The following SOS2 variants were observed in gnomAD, a reference collection of about 807,000 sequenced individuals.
The protein encoded by SOS2 is SOS Ras/Rho guanine nucleotide exchange factor 2, also known as son of sevenless homolog 2.
A neutral mutation model predicts 148.2 loss-of-function variants in SOS2; 65 were observed. The ratio of observed to expected loss-of-function variants is 0.44; its 90% CI spans 0.36 to 0.54. SOS2 has a LOEUF of 0.54. Ranked by LOEUF, SOS2 falls within the 20% of genes least tolerant of loss-of-function variation. The probability of loss-of-function intolerance (pLI) is 0.00; values close to 1 mark genes in which losing one functional copy is unlikely to be tolerated. For missense variants in SOS2, 1,341 were observed against 1,590.2 expected (o/e 0.84, Z 2.67); for synonymous variants, 539 against 537.1 (o/e 1.00, Z -0.05).
chr14:50,223,522 A>C (rs1166446107), intron 1 of SOS2, among the ~76,000 whole-genome samples: 1 of 152,066 alleles, frequency 6.6e-6, no homozygotes, highest in Non-Finnish European at 1.5e-5. Flanking sequence ...AAAATACAAA[A>C]AAATTACCTG....
In SOS2 at chr14:50,160,013, G is replaced by C; in HGVS notation, c.1270C>G (p.Gln424Glu). ...HLAIKKMNEI[Q>E]KNIDGWEGKD... ...CCTTCCCATCCATCGATATTTTTCT[G>C]AATTTCATTCATTTTTTTGATAGCC... The change falls in exon 10 of 23, where the codon CAG becomes GAG. Residue 424 changes from glutamine to glutamate, a missense_variant. Gln to Glu is a conservative substitution (Grantham distance 29). Coordinates refer to ENST00000216373, the MANE Select transcript of SOS2 (RefSeq NM_006939.4). 2 of 1,613,882 alleles carry C rather than the reference G, an allele frequency of 1.2e-6. No individual in the cohort carries two copies. Among genetic ancestry groups the C allele is most frequent in the Non-Finnish European group, 1.7e-6 (2 of 1,179,936 alleles).
At position 50,133,504 on chromosome 14, in the gene SOS2, T is replaced by C. The variant is rs535095561; in HGVS notation, c.3075+619A>G. On this transcript the variant is annotated intron_variant, in intron 19 of 22. Transcript: ENST00000216373. ...TGTGAGCCACCATGCCCGGTCTCTA[T>C]GAACTTTTTGAAGTCCCCTCATATA... 5.3e-5 allele frequency among the ~76,000 whole-genome samples: 8 copies of C among 152,220 alleles called. 1 individual carries two copies. In the South Asian group the frequency reaches 1.5e-3, roughly 28 times the overall value.
Position 50,226,607 on chromosome 14 carries a change from G to T in SOS2, c.87+4590C>A, listed in dbSNP as rs1887385773. 4.6e-5 allele frequency among the ~76,000 whole-genome samples: 7 copies of T among 152,284 alleles called. No individual in the cohort carries two copies. In the South Asian group the frequency reaches 1.5e-3, roughly 32 times the overall value. ...ATCTAAGAGCAAATTGTCACAGGGT[G>T]GGGAGGTCGATATTTAACCTGAATC... On this transcript the variant is annotated intron_variant, in intron 1 of 22. Transcript: ENST00000216373.
At chr14:50,158,355 T>G (rs1211887271) in intron 11 of SOS2, among the ~76,000 whole-genome samples, 1 of 152,198 alleles carries the variant, frequency 6.6e-6, no homozygotes, top group Non-Finnish European at 1.5e-5. Flanking sequence ...GATTACCACT[T>G]GAAATATTTC....
rs758293062 is a variant in SOS2, at chr14:50,197,892, T to C, written c.510+1799A>G. Among the ~76,000 whole-genome samples, 123 of 151,880 alleles carry C rather than the reference T, an allele frequency of 8.1e-4. 1 individual carries two copies. The highest frequency in any genetic ancestry group is 4.4e-4 in the Non-Finnish European group (30 of 67,992). On this transcript the variant is annotated intron_variant, in intron 4 of 22. Transcript: ENST00000216373. ...TTTTAGTAGAGACGGGGTTTTGCCA[T>C]GTTGACTAGGCTGGTTTGAACTCCT...
At position 50,188,666 on chromosome 14, in the gene SOS2, C is replaced by A. The variant is rs149487643; in HGVS notation, c.545G>T (p.Gly182Val). The A allele has an allele frequency of 6.2e-7, 1 of 1,606,778 alleles. No individual in the cohort carries two copies. The highest frequency in any genetic ancestry group is 8.5e-7 in the Non-Finnish European group (1 of 1,177,262). Residue 182 changes from glycine to valine, a missense_variant, in exon 5 of 23, where the codon GGT becomes GTT. Around this residue, in one of 4 missense-constraint regions of SOS2, gnomAD observed 574 missense variants for 711.1 expected, o/e 0.81. Transcript: ENST00000216373. Reference sequence around the variant, plus strand: ...TTCATCTTCACAGAGAGAAACCAAACCTATGTCATCCTGATCAAACATGTC... The same window carrying A: ...TTCATCTTCACAGAGAGAAACCAAAACTATGTCATCCTGATCAAACATGTC... Reference protein sequence around the residue: ...LMDMFDQDDIGLVSLCEDEPS... With the variant: ...LMDMFDQDDIVLVSLCEDEPS...
intron 5 of SOS2, among the ~76,000 whole-genome samples, chr14:50,183,575 T>G (rs933965574): frequency 2.0e-5 from 3 of 152,158 alleles, no homozygotes; most frequent in Non-Finnish European, 4.4e-5. Context: ...AACCTCCTAC[T>G]GTGGATGATT....
intron 2 of SOS2, among the ~76,000 whole-genome samples, chr14:50,203,106 C>CTA (rs1566478386): frequency 1.3e-5 from 2 of 152,118 alleles, no homozygotes; most frequent in Non-Finnish European, 2.9e-5. Context: ...CTACAGTGAG[C>CTA]TATGATCATG....
chr14:50,121,275 AATTTTTTCTATAGTT>A (rs1399921360), intron 21 of SOS2, among the ~76,000 whole-genome samples: 1 of 152,180 alleles, frequency 6.6e-6, no homozygotes, highest in Non-Finnish European at 1.5e-5. Flanking sequence ...TCTTCATTTT[AATTTTTTCTATAGTT>A]CAACTTCCCA....
At chr14:50,188,193 G>A (rs932443353) in intron 5 of SOS2, among the ~76,000 whole-genome samples, 3 of 151,878 alleles carry the variant, frequency 2.0e-5, no homozygotes, top group Admixed American at 6.6e-5. Context: ...ACTTGAGGTC[G>A]GCAGTTTGAG....
intron 7 of SOS2, among the ~76,000 whole-genome samples, chr14:50,180,363 C>A (rs1885691906): frequency 6.8e-6 from 1 of 146,868 alleles, no homozygotes; most frequent in Non-Finnish European, 1.5e-5. Context: ...ATTCAGTACT[C>A]ATGATGTTGT....
At chr14:50,223,930 T>A (rs1252302783) in intron 1 of SOS2, among the ~76,000 whole-genome samples, 1 of 152,152 alleles carries the variant, frequency 6.6e-6, no homozygotes, top group Admixed American at 6.5e-5. Flanking sequence ...CAGATTTAGA[T>A]TATACGTGAA....
At chr14:50,162,796 AT>A (rs1366127950) in intron 8 of SOS2, among the ~76,000 whole-genome samples, 7 of 152,118 alleles carry the variant, frequency 4.6e-5, no homozygotes, top group African/African-American at 1.7e-4. Context: ...GTTCTATTTC[AT>A]TTGCCCCAAA....
intron 8 of SOS2, among the ~76,000 whole-genome samples, chr14:50,164,218 A>G (rs1289786078): frequency 6.6e-6 from 1 of 152,176 alleles, no homozygotes. Flanking sequence ...AGGCGGGCAG[A>G]TCACTTGAGC....
chr14:50,217,674 T>C (rs1479685730), intron 1 of SOS2, among the ~76,000 whole-genome samples: 2 of 152,160 alleles, frequency 1.3e-5, no homozygotes, highest in Admixed American at 1.3e-4. Context: ...TTAAAACTTT[T>C]GGCCGGGTGC....
Position 50,157,078 on chromosome 14 carries a change from C to T in SOS2, c.1978G>A (p.Ala660Thr), listed in dbSNP as rs1264838760. The change falls in exon 12 of 23, where the codon GCA becomes ACA. Residue 660 changes from alanine to threonine, a missense_variant. Physicochemically the swap from Ala to Thr is moderately conservative, Grantham distance 58. Coordinates refer to ENST00000216373, the MANE Select transcript of SOS2 (RefSeq NM_006939.4). ...EPEPTDADKL[A>T]IEKGEQPISA... The stretch of plus-strand genomic sequence containing the variant: ...ATTGGCTGCTCGCCTTTCTCTATTG[C>T]CAATTTGTCTGCGTCAGTAGGTTCT... 6.2e-7 allele frequency: 1 copy of T among 1,612,152 alleles called. No individual in the cohort carries two copies. The highest frequency in any genetic ancestry group is 8.5e-7 in the Non-Finnish European group (1 of 1,178,902).
intron 4 of SOS2, 100 bp from the exon 5 acceptor site, chr14:50,188,800 G>C: frequency 1.2e-6 from 1 of 820,924 alleles, no homozygotes; most frequent in East Asian, 2.9e-5. Flanking sequence ...ACAGGGCTGG[G>C]TGTTGTAATC....
intron 5 of SOS2, among the ~76,000 whole-genome samples, chr14:50,184,824 A>C (rs1885855092): frequency 7.1e-6 from 1 of 139,986 alleles, no homozygotes; most frequent in African/African-American, 2.7e-5. Context: ...AGATGGTGCC[A>C]CTGCACTTAA....
intron 14 of SOS2, among the ~76,000 whole-genome samples, chr14:50,146,368 G>T (rs927161203): frequency 6.6e-6 from 1 of 152,238 alleles, no homozygotes; most frequent in Middle Eastern, 3.4e-3. Context: ...TAAGAGCCAG[G>T]TGCAGCAGCT....
Sources: gnomAD v4.1 joint callset for allele counts (sites outside exome capture counted in the v4.1 genomes callset) on GRCh38, gnomAD v4.1.1 for gene constraint, gnomAD v4.1.1 regional missense constraint, MANE v1.5 for transcripts, NCBI Gene and HGNC (gene_info 2026-07-23, HGNC 2026-07-21) for gene names.